The following TYW1B variants were observed in gnomAD, a reference collection of about 807,000 sequenced individuals.
TYW1B encodes the protein tRNA-yW synthesizing protein 1 homolog B.
In TYW1B, 73 loss-of-function variants were observed where a neutral mutation model predicts 86.9. The observed-to-expected ratio is 0.84, with a 90% confidence interval of 0.70 to 1.02. The LOEUF (loss-of-function observed/expected upper bound fraction) is 1.02, where lower values mean the gene tolerates loss of function less well. TYW1B is among the 50% of genes least tolerant of loss of function. The pLI is 0.00. For synonymous variants in TYW1B, 248 were observed against 292.8 expected (o/e 0.85, Z 1.56); for missense variants, 637 against 827.4 (o/e 0.77, Z 2.82).
intron 10 of TYW1B, among the ~76,000 whole-genome samples, chr7:72,703,006 ATATATATATATATATATATATT>A (rs1814513440): frequency 4.2e-5 from 1 of 24,026 alleles, no homozygotes; most frequent in African/African-American, 1.2e-4. Flanking sequence ...ATATATATAT[ATATATATATATATATATATATT>A]TTTTTTTTTT....
chr7:72,622,284 G>T (rs1812236679), intron 12 of TYW1B, among the ~76,000 whole-genome samples: 1 of 152,154 alleles, frequency 6.6e-6, no homozygotes, highest in Admixed American at 6.6e-5. Context: ...TACAAGACTG[G>T]TAAGGAAAGA....
intron 6 of TYW1B, among the ~76,000 whole-genome samples, chr7:72,790,965 C>T (rs558343351): frequency 1.1e-4 from 16 of 152,272 alleles, no homozygotes; most frequent in Non-Finnish European, 2.2e-4. Flanking sequence ...CACACTCTTT[C>T]CATTTCTGTA....
intron 9 of TYW1B, among the ~76,000 whole-genome samples, chr7:72,727,423 T>A (rs1457548914): frequency 6.6e-6 from 1 of 152,156 alleles, no homozygotes; most frequent in Non-Finnish European, 1.5e-5. Flanking sequence ...CAAATTCCAA[T>A]TCATCACCTA....
At chr7:72,751,919 G>C (rs1554465134) in intron 7 of TYW1B, among the ~76,000 whole-genome samples, 1 of 152,240 alleles carries the variant, frequency 6.6e-6, no homozygotes, top group Non-Finnish European at 1.5e-5. Context: ...GAGGGGGAGG[G>C]AGGGGCTCCT....
chr7:72,753,017 T>C (rs1272135917), intron 7 of TYW1B, among the ~76,000 whole-genome samples: 2 of 152,060 alleles, frequency 1.3e-5, no homozygotes, highest in African/African-American at 2.4e-5. Flanking sequence ...AAACAACTCC[T>C]ACTTTGAAAA....
chr7:72,605,387 T>C (rs1297308385), intron 13 of TYW1B, among the ~76,000 whole-genome samples: 3 of 150,362 alleles, frequency 2.0e-5, no homozygotes, highest in African/African-American at 7.3e-5. Context: ...AGCGTCTCAC[T>C]CTGTTGCCCC....
intron 6 of TYW1B, among the ~76,000 whole-genome samples, chr7:72,788,497 C>G (rs1299349806): frequency 6.6e-6 from 1 of 152,148 alleles, no homozygotes; most frequent in African/African-American, 2.4e-5. Context: ...AAGCCAAAAT[C>G]TGAACTGCTC....
At chr7:72,765,689 C>A (rs536833702) in intron 7 of TYW1B, among the ~76,000 whole-genome samples, 130 of 152,280 alleles carry the variant, frequency 8.5e-4, no homozygotes, top group African/African-American at 3.0e-3. Context: ...TAGTCTTGAA[C>A]TCCTGACCTC....
At chr7:72,756,861 C>T (rs1191294058) in intron 7 of TYW1B, among the ~76,000 whole-genome samples, 1 of 152,110 alleles carries the variant, frequency 6.6e-6, no homozygotes, top group African/African-American at 2.4e-5. Flanking sequence ...GGAAGATATA[C>T]AAACATCCAA....
chr7:72,655,522 A>G (rs1377569381), intron 11 of TYW1B, among the ~76,000 whole-genome samples: 1 of 152,108 alleles, frequency 6.6e-6, no homozygotes, highest in East Asian at 1.9e-4. Context: ...TTCTTCCAGA[A>G]GGCTGTAGCA....
intron 6 of TYW1B, among the ~76,000 whole-genome samples, chr7:72,792,103 G>A (rs1307050402): frequency 6.6e-6 from 1 of 152,222 alleles, no homozygotes; most frequent in Non-Finnish European, 1.5e-5. Context: ...ACCGAGGCGG[G>A]TGATCATTTG....
chr7:72,606,831 T>C (rs1366514084), intron 13 of TYW1B, among the ~76,000 whole-genome samples: 1 of 152,088 alleles, frequency 6.6e-6, no homozygotes, highest in Non-Finnish European at 1.5e-5. Flanking sequence ...GGTAACACCC[T>C]CTCATGCCAT....
At chr7:72,793,163 AC>A (rs1242186466) in intron 6 of TYW1B, among the ~76,000 whole-genome samples, 3 of 151,670 alleles carry the variant, frequency 2.0e-5, no homozygotes, top group Admixed American at 6.6e-5. Context: ...ACATGGCAAA[AC>A]CCCGTCTATA....
At chr7:72,731,768 C>T (rs3015862) in intron 8 of TYW1B, among the ~76,000 whole-genome samples, 105,264 of 151,578 alleles carry the variant, frequency 0.69, 37,387 homozygotes, top group Non-Finnish European at 0.77. Flanking sequence ...ACGGTGAAAC[C>T]ACGTCTCTAC....
At chr7:72,751,033 T>A (rs1422304688) in intron 7 of TYW1B, among the ~76,000 whole-genome samples, 1 of 127,790 alleles carries the variant, frequency 7.8e-6, no homozygotes, top group Non-Finnish European at 1.7e-5. Flanking sequence ...TCAGATTGGG[T>A]AAATTCCCTT....
Position 72,642,628 on chromosome 7 carries a change from C to T in TYW1B, c.1507-13631G>A, listed in dbSNP as rs552194299. On this transcript the variant is annotated intron_variant, in intron 11 of 13. Coordinates refer to ENST00000620995, the MANE Select transcript of TYW1B (RefSeq NM_001145440.3). ...AAAAAAGCTGAAGTTCTAGGCTGGG[C>T]GCAGTGGCTCACGCCTGTAATCCCA... 7.2e-5 allele frequency among the ~76,000 whole-genome samples: 11 copies of T among 152,316 alleles called. No homozygotes were observed. The East Asian group carries it at 1.7e-3, about 24-fold the overall frequency.
intron 9 of TYW1B, among the ~76,000 whole-genome samples, chr7:72,718,123 C>T (rs1554456584): frequency 6.6e-6 from 1 of 152,104 alleles, no homozygotes; most frequent in Non-Finnish European, 1.5e-5. Flanking sequence ...TACATATACA[C>T]CATGGAATAC....
At chr7:72,705,814 C>T (rs1489679524) in intron 10 of TYW1B, among the ~76,000 whole-genome samples, 2 of 152,284 alleles carry the variant, frequency 1.3e-5, no homozygotes, top group East Asian at 3.9e-4. Flanking sequence ...TGTTGGGAAA[C>T]ATCCTCCTCA....
intron 13 of TYW1B, among the ~76,000 whole-genome samples, chr7:72,597,127 C>G (rs1267451234): frequency 2.0e-5 from 3 of 151,692 alleles, no homozygotes; most frequent in Non-Finnish European, 4.4e-5. Context: ...TAAGGCAGAC[C>G]ACTACATATG....
Sources: gnomAD v4.1 joint callset for allele counts (sites outside exome capture counted in the v4.1 genomes callset) on GRCh38, gnomAD v4.1.1 for gene constraint, MANE v1.5 for transcripts, NCBI Gene and HGNC (gene_info 2026-07-23, HGNC 2026-07-21) for gene names.